The following ADAMTS17 variants were observed in gnomAD, a reference collection of about 807,000 sequenced individuals.
ADAMTS17 encodes A disintegrin and metalloproteinase with thrombospondin motifs 17.
ADAMTS17 carries 113 observed loss-of-function variants against 141.5 expected under a neutral mutation model. That is an observed-to-expected ratio of 0.80 (90% confidence interval 0.69 to 0.93). The LOEUF (loss-of-function observed/expected upper bound fraction) is 0.93, where lower values mean the gene tolerates loss of function less well. ADAMTS17 is among the 40% of genes least tolerant of loss of function. ADAMTS17 has a pLI of 0.00. For missense variants in ADAMTS17, 1,659 were observed against 1,517.9 expected, an observed-to-expected ratio of 1.09 and a Z score of -1.54; for synonymous variants, 768 against 630.6, an observed-to-expected ratio of 1.22 and a Z score of -3.27.
chr15:100,191,446 G>A (rs2040913712), intron 8 of ADAMTS17, among the ~76,000 whole-genome samples: 1 of 152,188 alleles, frequency 6.6e-6, no homozygotes, highest in Admixed American at 6.5e-5. Flanking sequence ...CTCCCTCCAA[G>A]CCAGGCATCA....
At chr15:100,114,188 AG>A (rs748996595) in intron 13 of ADAMTS17, among the ~76,000 whole-genome samples, 123 of 147,776 alleles carry the variant, frequency 8.3e-4, no homozygotes, top group Non-Finnish European at 1.6e-3. Flanking sequence ...AAAAAGGAAG[AG>A]GAAAAAAAAG....
intron 8 of ADAMTS17, among the ~76,000 whole-genome samples, chr15:100,177,011 C>A (rs565027553): frequency 1.3e-5 from 2 of 152,202 alleles, no homozygotes; most frequent in Non-Finnish European, 2.9e-5. Flanking sequence ...ACTGCTCACC[C>A]ATTGGAGCAC....
At chr15:100,130,074 T>A (rs1208887986) in intron 12 of ADAMTS17, among the ~76,000 whole-genome samples, 1 of 152,088 alleles carries the variant, frequency 6.6e-6, no homozygotes, top group Non-Finnish European at 1.5e-5. Flanking sequence ...AATTAAGAAG[T>A]CATTCCTGGA....
chr15:100,074,630 T>G (rs75759672), intron 15 of ADAMTS17, among the ~76,000 whole-genome samples: 9,545 of 141,368 alleles, frequency 0.068, 305 homozygotes, highest in African/African-American at 0.097. Context: ...TTTGCTAATA[T>G]TATATTTAGA....
intron 8 of ADAMTS17, among the ~76,000 whole-genome samples, chr15:100,162,396 A>G (rs1347871029): frequency 6.8e-6 from 1 of 146,796 alleles, no homozygotes; most frequent in East Asian, 2.0e-4. Context: ...ATAACTATCT[A>G]TATGTGTATA....
chr15:100,023,485 G>T (rs2727111), intron 18 of ADAMTS17, among the ~76,000 whole-genome samples: 16,357 of 151,906 alleles, frequency 0.11, 2,331 homozygotes, highest in African/African-American at 0.33. Flanking sequence ...GGATTACAGG[G>T]GTGAGCCACT....
chr15:100,204,733 C>T (rs2041465534), intron 7 of ADAMTS17, among the ~76,000 whole-genome samples: 1 of 152,200 alleles, frequency 6.6e-6, no homozygotes, highest in African/African-American at 2.4e-5. Context: ...ACAAAGCCTT[C>T]TTAGCTATAA....
chr15:100,081,967 T>C (rs145421848), intron 15 of ADAMTS17, among the ~76,000 whole-genome samples: 6 of 152,370 alleles, frequency 3.9e-5, no homozygotes, highest in African/African-American at 1.4e-4. Flanking sequence ...ATTACTATAA[T>C]TTGATAATAT....
intron 12 of ADAMTS17, among the ~76,000 whole-genome samples, chr15:100,126,946 A>C (rs963176043): frequency 6.6e-6 from 1 of 152,234 alleles, no homozygotes; most frequent in Non-Finnish European, 1.5e-5. Context: ...AACGTAAGGA[A>C]GAGGTGCCGA....
rs918637241 is a variant in ADAMTS17 at position 100,140,458 on chromosome 15, C to CACACACACACAG, written c.1474-7155_1474-7144dup. The stretch of plus-strand genomic sequence containing the variant: ...TAGTCCTGACTAACTCCAAGACACA[C>CACACACACACAG]ACACACACACAGACACACACACATA... On this transcript the variant is annotated intron_variant, in intron 10 of 21. Coordinates refer to ENST00000268070, the MANE Select transcript of ADAMTS17 (RefSeq NM_139057.4). Among the ~76,000 whole-genome samples the CACACACACACAG allele has an allele frequency of 6.6e-5, 9 of 137,098 alleles. No individual in the cohort carries two copies. In the South Asian group the frequency reaches 1.8e-3, roughly 27 times the overall value. The allele number at this position is 137,098 out of a possible 152,430, so 89.9% of individuals were successfully genotyped here. A position where few individuals can be genotyped will look rare whatever the true frequency, so the allele number is the denominator to read the frequency against.
intron 12 of ADAMTS17, among the ~76,000 whole-genome samples, chr15:100,127,214 A>G (rs543049823): frequency 6.6e-6 from 1 of 152,166 alleles, no homozygotes; most frequent in Admixed American, 6.5e-5. Flanking sequence ...CTTATTTGGC[A>G]AAAGGGCCTT....
chr15:100,168,342 T>G (rs2040029372), intron 8 of ADAMTS17: 1 of 152,216 alleles, frequency 6.6e-6, no homozygotes, highest in Non-Finnish European at 1.5e-5. Context: ...TTTAGAGAAA[T>G]GTACTCCCAA....
chr15:100,077,561 T>A (rs1171735971), intron 15 of ADAMTS17, among the ~76,000 whole-genome samples: 2 of 151,992 alleles, frequency 1.3e-5, no homozygotes, highest in African/African-American at 4.8e-5. Flanking sequence ...TTTGACAAAT[T>A]TCAACACTCC....
At chr15:100,119,564 C>A (rs2037346922) in intron 12 of ADAMTS17, among the ~76,000 whole-genome samples, 1 of 152,332 alleles carries the variant, frequency 6.6e-6, no homozygotes, top group Admixed American at 6.5e-5. Flanking sequence ...GCTGATTTCT[C>A]CAGTTTTACA....
At chr15:100,278,545 G>A (rs1404639023) in intron 4 of ADAMTS17, among the ~76,000 whole-genome samples, 2 of 150,522 alleles carry the variant, frequency 1.3e-5, no homozygotes, top group Non-Finnish European at 2.9e-5. Context: ...GAGGAAACAT[G>A]TGGGTCCAGC....
chr15:100,121,219 A>G (rs2037435903), intron 12 of ADAMTS17, among the ~76,000 whole-genome samples: 1 of 152,244 alleles, frequency 6.6e-6, no homozygotes. Flanking sequence ...GTGGGACACC[A>G]TCGAGTGGAT....
chr15:100,135,204 CA>C, intron 10 of ADAMTS17, among the ~76,000 whole-genome samples: 1 of 151,408 alleles, frequency 6.6e-6, no homozygotes, highest in East Asian at 1.9e-4. Context: ...TGAGGTTAGA[CA>C]AAGATTTCTT....
intron 15 of ADAMTS17, among the ~76,000 whole-genome samples, chr15:100,066,292 C>G (rs1301679799): frequency 6.6e-6 from 1 of 152,002 alleles, no homozygotes; most frequent in Non-Finnish European, 1.5e-5. Flanking sequence ...AATCATCATA[C>G]TGTTTTTCTC....
intron 20 of ADAMTS17, among the ~76,000 whole-genome samples, chr15:99,983,008 C>A (rs1038880043): frequency 6.6e-6 from 1 of 152,132 alleles, no homozygotes; most frequent in African/African-American, 2.4e-5. Flanking sequence ...TTTTTGTGTG[C>A]AAATTATTTC....
Sources: gnomAD v4.1 joint callset for allele counts (sites outside exome capture counted in the v4.1 genomes callset) on GRCh38, gnomAD v4.1.1 for gene constraint, MANE v1.5 for transcripts, NCBI Gene and HGNC (gene_info 2026-07-23, HGNC 2026-07-21) for gene names.